TRIM37: variants seen among roughly 807,000 people sequenced by gnomAD.
The protein encoded by TRIM37 is E3 ubiquitin-protein ligase TRIM37.
In TRIM37, 80 loss-of-function variants were observed where a neutral mutation model predicts 129.8. That is an observed-to-expected ratio of 0.62 (90% CI 0.51 to 0.74). TRIM37 has a LOEUF of 0.74. TRIM37 is among the 30% of genes least tolerant of loss of function. TRIM37 has a pLI of 0.00. For missense variants in TRIM37, 1,054 were observed against 1,176.5 expected (o/e 0.90, Z 1.52); for synonymous variants, 389 against 387.1 (o/e 1.00, Z -0.06).
intron 16 of TRIM37, among the ~76,000 whole-genome samples, chr17:59,045,405 C>T: frequency 6.6e-6 from 1 of 151,394 alleles, no homozygotes; most frequent in East Asian, 2.0e-4. Context: ...TTTGGGAGGC[C>T]AAGACGGGTG....
intron 2 of TRIM37, among the ~76,000 whole-genome samples, chr17:59,096,192 T>G (rs1230708843): frequency 6.6e-6 from 1 of 151,792 alleles, no homozygotes; most frequent in Non-Finnish European, 1.5e-5. Flanking sequence ...CATACAGAAC[T>G]AAATAAGCCA....
Position 59,106,578 on chromosome 17 carries a change from G to A in TRIM37, c.-117C>T, listed in dbSNP as rs1218394700. The A allele has an allele frequency of 1.5e-6, 2 of 1,298,338 alleles. No individual in the cohort carries two copies. Among genetic ancestry groups the A allele is most frequent in the African/African-American group, 2.9e-5 (2 of 68,240 alleles). 80.4% of individuals were successfully genotyped at this position (1,298,338 alleles called of 1,614,324 possible). A position where few individuals can be genotyped will look rare whatever the true frequency, so the allele number is the denominator to read the frequency against. ...CGATAAAAGCCCGGCGCCCACGTCAGGGGGCTCTGACAACCGCCCCACCTG... is the reference window on the plus strand; with the variant it reads ...CGATAAAAGCCCGGCGCCCACGTCAAGGGGCTCTGACAACCGCCCCACCTG... On this transcript the variant is annotated 5_prime_UTR_variant, in exon 1 of 24. Coordinates refer to ENST00000262294, the MANE Select transcript of TRIM37 (RefSeq NM_015294.6).
At chr17:59,105,108 A>G (rs918904848) in intron 1 of TRIM37, among the ~76,000 whole-genome samples, 3 of 147,546 alleles carry the variant, frequency 2.0e-5, no homozygotes, top group East Asian at 2.0e-4. Flanking sequence ...AAAAAAAAAG[A>G]AAAAAGGAAA....
chr17:59,036,828 C>T (rs1248882674), intron 17 of TRIM37, among the ~76,000 whole-genome samples: 3 of 151,998 alleles, frequency 2.0e-5, no homozygotes, highest in African/African-American at 7.2e-5. Context: ...AAAACATTAA[C>T]CAGGCCAGGT....
At chr17:59,088,578 A>C (rs1304437433) in intron 3 of TRIM37, among the ~76,000 whole-genome samples, 171 bp from the exon 4 acceptor site, 2 of 152,026 alleles carry the variant, frequency 1.3e-5, no homozygotes, top group South Asian at 2.1e-4. Context: ...AGCGGCATGC[A>C]TGATCATGGT....
chr17:59,049,131 T>C, intron 15 of TRIM37, 47 bp downstream of exon 15: 1 of 1,449,116 alleles, frequency 6.9e-7, no homozygotes, highest in Middle Eastern at 1.9e-4. Flanking sequence ...GATGCTACTG[T>C]TTTTTTTTAA....
chr17:59,060,494 T>C (rs1353000824), intron 12 of TRIM37, among the ~76,000 whole-genome samples: 1 of 152,184 alleles, frequency 6.6e-6, no homozygotes, highest in Non-Finnish European at 1.5e-5. Flanking sequence ...TAAATAACAT[T>C]TAACAACCTA....
chr17:59,044,517 G>A (rs1298534387), intron 16 of TRIM37, among the ~76,000 whole-genome samples: 1 of 151,820 alleles, frequency 6.6e-6, no homozygotes, highest in Non-Finnish European at 1.5e-5. Flanking sequence ...AGCTGAGATT[G>A]TGCCACTGCA....
downstream of TRIM37, chr17:58,980,857 C>A: frequency 6.2e-7 from 1 of 1,614,152 alleles, no homozygotes; most frequent in Non-Finnish European, 8.5e-7. The surrounding 1 kb of genome is among the most constrained non-coding windows in gnomAD (Gnocchi z 4.7). Flanking sequence ...AGCCTTCCCA[C>A]AAAATAGGCA....
At chr17:59,036,404 T>C (rs573238025) in intron 17 of TRIM37, among the ~76,000 whole-genome samples, 35 of 152,096 alleles carry the variant, frequency 2.3e-4, no homozygotes, top group African/African-American at 6.7e-4. Context: ...TATTGGCTCA[T>C]TGAATCCAGT....
downstream of TRIM37, among the ~76,000 whole-genome samples, chr17:58,978,690 G>A (rs549856008): frequency 7.9e-5 from 12 of 152,110 alleles, no homozygotes; most frequent in East Asian, 2.3e-3. Flanking sequence ...CAGCCTGGGC[G>A]ACAAAAAATA....
chr17:58,970,718 G>A, the TRIM37 span, among the ~76,000 whole-genome samples: 1 of 152,004 alleles, frequency 6.6e-6, no homozygotes, highest in African/African-American at 2.4e-5. Flanking sequence ...GTAACCAGTA[G>A]AGTCCACACA....
chr17:59,038,171 C>T (rs1257050834), intron 17 of TRIM37, among the ~76,000 whole-genome samples: 2 of 152,136 alleles, frequency 1.3e-5, no homozygotes, highest in Admixed American at 1.3e-4. Context: ...CCTTTTGAAA[C>T]TGTACTATTC....
At chr17:59,024,562 C>T (rs887775606) in intron 19 of TRIM37, among the ~76,000 whole-genome samples, 1 of 152,148 alleles carries the variant, frequency 6.6e-6, no homozygotes, top group Non-Finnish European at 1.5e-5. Context: ...GAGAGAGAGA[C>T]TGTTGCCCAG....
chr17:59,030,371 T>G (rs2145574646), intron 18 of TRIM37, among the ~76,000 whole-genome samples: 1 of 152,356 alleles, frequency 6.6e-6, no homozygotes, highest in East Asian at 1.9e-4. Flanking sequence ...CCTCCCCAAG[T>G]GTTGAGATTA....
chr17:59,050,495 C>T (rs1046814829), intron 14 of TRIM37, among the ~76,000 whole-genome samples: 97 of 150,328 alleles, frequency 6.5e-4, no homozygotes, highest in African/African-American at 2.4e-3. Context: ...GAGTTCAAGA[C>T]CAGCTTGGGC....
intron 9 of TRIM37, among the ~76,000 whole-genome samples, chr17:59,064,738 A>T (rs1178087610): frequency 6.6e-6 from 1 of 152,160 alleles, no homozygotes; most frequent in Non-Finnish European, 1.5e-5. Flanking sequence ...GTAAAACCCC[A>T]TCTCTGTTAA....
chr17:59,050,036 T>C (rs1158958083), intron 14 of TRIM37, among the ~76,000 whole-genome samples: 1 of 152,182 alleles, frequency 6.6e-6, no homozygotes, highest in Non-Finnish European at 1.5e-5. Context: ...TTAACGACTC[T>C]CAGCACTCCA....
At chr17:59,015,918 G>A in intron 20 of TRIM37, 119 bp from the exon 21 acceptor site, 1 of 886,950 alleles carries the variant, frequency 1.1e-6, no homozygotes. Flanking sequence ...GGCGGAGGTT[G>A]CAGTGAGCTG....
Sources: allele counts gnomAD v4.1 joint callset (sites outside exome capture counted in the v4.1 genomes callset), GRCh38; gene constraint gnomAD v4.1.1; non-coding constraint Gnocchi (gnomAD v3.1); transcripts MANE v1.5; gene names NCBI Gene and HGNC (gene_info 2026-07-23, HGNC 2026-07-21).